ARRDC2: variants seen among roughly 807,000 people sequenced by gnomAD.
The protein encoded by ARRDC2 is arrestin domain containing 2, also known as arrestin domain-containing protein 2.
ARRDC2 carries 39 observed loss-of-function variants against 38.9 expected under a neutral mutation model. That is an observed-to-expected ratio of 1.00 (90% CI 0.78 to 1.31). The LOEUF (loss-of-function observed/expected upper bound fraction) is 1.31, where lower values mean the gene tolerates loss of function less well. Among genes scored for constraint, ARRDC2 ranks in the 50% most tolerant of loss-of-function variants. The probability of loss-of-function intolerance (pLI) is 0.00; values close to 1 mark genes in which losing one functional copy is unlikely to be tolerated. For synonymous variants in ARRDC2, 300 were observed against 261.9 expected (o/e 1.15, Z -1.41); for missense variants, 553 against 588.4 (o/e 0.94, Z 0.62).
intron 3 of ARRDC2, chr19:18,009,342 G>A (rs1329100851): frequency 1.5e-6 from 1 of 648,004 alleles, no homozygotes; most frequent in Admixed American, 2.9e-5. Flanking sequence ...TGCCTCTTCT[G>A]TGAAATAGAC....
At chr19:18,012,036 A>C (rs1194920750) in intron 7 of ARRDC2, among the ~76,000 whole-genome samples, 2 of 140,826 alleles carry the variant, frequency 1.4e-5, no homozygotes, top group Admixed American at 7.6e-5. Flanking sequence ...GGCTCACTGC[A>C]ATCTCCACCT....
upstream of ARRDC2, chr19:18,008,122 C>A (rs2033317917): frequency 4.9e-5 from 26 of 529,026 alleles, no homozygotes; most frequent in South Asian, 2.2e-4. Flanking sequence ...GGTGACCCCA[C>A]CCCCCCCCGC....
rs780530346 is a variant in ARRDC2 at position 18,010,235 on chromosome 19, G to C, written c.889G>C (p.Glu297Gln). The C allele has an allele frequency of 6.2e-7, 1 of 1,613,728 alleles. No homozygotes were observed. Among genetic ancestry groups the C allele is most frequent in the Non-Finnish European group, 8.5e-7 (1 of 1,179,958 alleles). The change falls in exon 6 of 8, where the codon GAG becomes CAG. Residue 297 changes from glutamate (E) to glutamine (Q), a missense_variant. Glu to Gln is a conservative substitution (Grantham distance 29). Coordinates refer to ENST00000222250, the MANE Select transcript of ARRDC2 (RefSeq NM_015683.2). ...DIPGTSKLLLELPLVIGTIPL... is the reference protein window; with the variant it reads ...DIPGTSKLLLQLPLVIGTIPL... ...CCCAGGAACGTCCAAGCTGCTGCTG[G>C]AGCTGCCACTGGTGATCGGCACCAT...
chr19:18,010,790 TGG>T, intron 7 of ARRDC2, 61 bp downstream of exon 7: 1 of 1,558,976 alleles, frequency 6.4e-7, no homozygotes, highest in South Asian at 1.1e-5. Context: ...CTTGATGGGG[TGG>T]CAGACATAGT....
chr19:18,006,695 A>G (rs1452158321), upstream of ARRDC2, among the ~76,000 whole-genome samples: 1 of 152,092 alleles, frequency 6.6e-6, no homozygotes, highest in Non-Finnish European at 1.5e-5. Flanking sequence ...TAAGGAAAAA[A>G]CAGTGACACT....
In ARRDC2 at chr19:18,009,065, A is replaced by G. The variant is rs751434752; in HGVS notation, c.436A>G (p.Arg146Gly). 2.5e-6 allele frequency: 4 copies of G among 1,613,546 alleles called. No homozygotes were observed. Among genetic ancestry groups the G allele is most frequent in the African/African-American group, 1.3e-5 (1 of 75,028 alleles). Residue 146 changes from arginine to glycine, a missense_variant, in exon 3 of 8, where the codon AGG (arginine) becomes GGG (glycine). Coordinates refer to ENST00000222250, the MANE Select transcript of ARRDC2 (RefSeq NM_015683.2). ...HRPWVPARRA[R>G]KVFTVIEPVD... The stretch of plus-strand genomic sequence containing the variant: ...GCCCTGGGTCCCAGCACGCCGGGCA[A>G]GGAAGGTGTTCACTGTCATCGAGCC...
chr19:18,008,114 T>TGGGGG, upstream of ARRDC2: 39 of 1,056,174 alleles, frequency 3.7e-5, no homozygotes, highest in Non-Finnish European at 4.6e-5. Context: ...GAAGAGACGG[T>TGGGGG]GACCCCACCC....
rs556474573 is a variant in ARRDC2, at chr19:18,011,463, C to T, written c.1170+734C>T. On this transcript the variant is annotated intron_variant, in intron 7 of 7. Transcript: ENST00000222250. ...AGGATTTTAATTGTTGACAGAATTT[C>T]GCTACATACAGTCGGCCCTCTGCGT... 1.6e-3 allele frequency among the ~76,000 whole-genome samples: 247 copies of T among 152,234 alleles called. 1 individual carries two copies. The highest frequency in any genetic ancestry group is 3.0e-3 in the Non-Finnish European group (206 of 68,014).
chr19:18,004,853 A>G (rs1395833790), upstream of ARRDC2, among the ~76,000 whole-genome samples: 2 of 151,542 alleles, frequency 1.3e-5, no homozygotes, highest in Non-Finnish European at 2.9e-5. Context: ...TACAAAAATT[A>G]GCGGGGCATG....
At chr19:18,010,438 A>G in intron 6 of ARRDC2, 80 bp downstream of exon 6, 1 of 1,562,934 alleles carries the variant, frequency 6.4e-7, no homozygotes, top group Non-Finnish European at 8.6e-7. Context: ...TCTCACCACG[A>G]GTCCCCCGGA....
rs921939266 is a variant in ARRDC2 at position 18,008,211 on chromosome 19, G to A, written c.-100G>A. 28 of 1,523,320 alleles carry A rather than the reference G, an allele frequency of 1.8e-5. No homozygotes were observed. The highest frequency in any genetic ancestry group is 2.3e-5 in the Non-Finnish European group (26 of 1,149,974). The allele number at this position is 1,523,320 out of a possible 1,614,324, so 94.4% of individuals were successfully genotyped here. On this transcript the variant is annotated 5_prime_UTR_variant, in exon 1 of 8. Transcript: ENST00000222250. ...TGGTGAGCGCGCCTGCGCGTTGACGGCGATTTTGCGTTCTGAGGCTGCAGC... is the reference window on the plus strand; with the variant it reads ...TGGTGAGCGCGCCTGCGCGTTGACGACGATTTTGCGTTCTGAGGCTGCAGC...
chr19:18,008,115 G>GTCCCCCCC, upstream of ARRDC2: 1 of 810,032 alleles, frequency 1.2e-6, no homozygotes, highest in Non-Finnish European at 1.7e-6. Context: ...AAGAGACGGT[G>GTCCCCCCC]ACCCCACCCC....
chr19:18,010,101 G>A (rs2033381829), intron 5 of ARRDC2, 62 bp downstream of exon 5: 2 of 1,604,108 alleles, frequency 1.2e-6, no homozygotes, highest in East Asian at 2.2e-5. Flanking sequence ...CCCTCAGACT[G>A]GGGGAAGCTG....
chr19:18,001,598 C>A, intron 1 of ARRDC2: 1 of 1,303,476 alleles, frequency 7.7e-7, no homozygotes, highest in South Asian at 2.0e-5. Context: ...GCGCCGCCCC[C>A]GCAGCAGCCG....
chr19:18,006,120 A>G (rs1280444664), upstream of ARRDC2, among the ~76,000 whole-genome samples: 1 of 147,876 alleles, frequency 6.8e-6, no homozygotes, highest in African/African-American at 2.5e-5. Context: ...GCGGCCGGGC[A>G]GAGACGCTCC....
Position 18,008,216 on chromosome 19 carries a change from T to G in ARRDC2, c.-95T>G. On this transcript the variant is annotated 5_prime_UTR_variant, in exon 1 of 8. The change creates a new upstream start codon in the 5' untranslated region. Transcript: ENST00000222250. ...AGCGCGCCTGCGCGTTGACGGCGAT[T>G]TTGCGTTCTGAGGCTGCAGCGTCGG... 1 of 1,511,526 alleles carries G rather than the reference T, an allele frequency of 6.6e-7. No individual in the cohort carries two copies. Among genetic ancestry groups the G allele is most frequent in the Non-Finnish European group, 8.8e-7 (1 of 1,142,066 alleles). 93.6% of individuals were successfully genotyped at this position (1,511,526 alleles called of 1,614,324 possible).
upstream of ARRDC2, among the ~76,000 whole-genome samples, chr19:18,005,924 A>G (rs1293714225): frequency 6.2e-5 from 9 of 144,152 alleles, no homozygotes; most frequent in Admixed American, 1.4e-4. Context: ...GCGGCCGGGC[A>G]GAGACGCTCC....
At chr19:18,006,145 G>A (rs1032284495), upstream of ARRDC2, among the ~76,000 whole-genome samples, 1 of 150,892 alleles carries the variant, frequency 6.6e-6, no homozygotes. Context: ...TTTCCAGACT[G>A]GGCAGCCAGG....
Position 18,013,159 on chromosome 19 carries a change from G to A in ARRDC2, c.*193G>A. On this transcript the variant is annotated 3_prime_UTR_variant, in exon 8 of 8. Coordinates refer to ENST00000222250, the MANE Select transcript of ARRDC2 (RefSeq NM_015683.2). ...AGCCCGGCTGGAATCTGACTTACCTGGACCGCTGTCCTTGTGAGGCATTGA... is the reference window on the plus strand; with the variant it reads ...AGCCCGGCTGGAATCTGACTTACCTAGACCGCTGTCCTTGTGAGGCATTGA... 1.7e-6 allele frequency: 1 copy of A among 599,928 alleles called. No homozygotes were observed. Among genetic ancestry groups the A allele is most frequent in the Non-Finnish European group, 2.9e-6 (1 of 341,300 alleles). The allele number at this position is 599,928 out of a possible 1,614,324, so 37.2% of individuals were successfully genotyped here.
Sources: gnomAD v4.1 joint callset for allele counts (sites outside exome capture counted in the v4.1 genomes callset) on GRCh38, gnomAD v4.1.1 for gene constraint, MANE v1.5 for transcripts, NCBI Gene and HGNC (gene_info 2026-07-23, HGNC 2026-07-21) for gene names.